DEFB116: variants seen among roughly 807,000 people sequenced by gnomAD.
DEFB116 encodes beta-defensin 116.
Under a neutral mutation model 2.8 loss-of-function variants are expected in DEFB116, and 5 were observed. The ratio of observed to expected loss-of-function variants is 1.80; its 90% CI spans 0.94 to 3.79. The LOEUF (loss-of-function observed/expected upper bound fraction) is 3.79, where lower values mean the gene tolerates loss of function less well. Among genes scored for constraint, DEFB116 ranks in the 30% most tolerant of loss-of-function variants. The pLI, the probability that DEFB116 is intolerant of heterozygous loss-of-function variation, is 0.00. For synonymous variants in DEFB116, 56 were observed against 40.8 expected, an observed-to-expected ratio of 1.37 and a Z score of -1.42; for missense variants, 170 against 118.0, an observed-to-expected ratio of 1.44 and a Z score of -2.04.
intron 1 of DEFB116, 51 bp downstream of exon 1, chr20:31,308,468 T>C (rs749785831): frequency 5.7e-6 from 9 of 1,591,844 alleles, no homozygotes; most frequent in Admixed American, 1.7e-5. Context: ...GTCACCAAGA[T>C]ACCAGTACCA....
intron 1 of DEFB116, among the ~76,000 whole-genome samples, chr20:31,307,371 A>C (rs2122451601): frequency 6.6e-6 from 1 of 152,302 alleles, no homozygotes; most frequent in Non-Finnish European, 1.5e-5. Flanking sequence ...TAGATGCAAA[A>C]TAATAAAATT....
chr20:31,305,442 C>T (rs1038947812), intron 1 of DEFB116, among the ~76,000 whole-genome samples: 6 of 151,964 alleles, frequency 3.9e-5, no homozygotes, highest in African/African-American at 1.4e-4. Flanking sequence ...TGGTCAAGGC[C>T]ACCCCAAGAG....
At position 31,303,214 on chromosome 20, in the gene DEFB116, A is replaced by C. The variant is rs540083402; in HGVS notation, c.307T>G (p.Ter103GlyextTer?). ...TACAGAGGAGACGTTGGTGATATTC[A>C]AATGTGAGAGTAGCTTGAACTGTTT... Reference protein sequence around the residue: ...VTNSSSYSHI* With the variant: ...VTNSSSYSHIG The change falls in exon 2 of 2, where the codon TGA becomes GGA. Residue 103 changes from the stop codon to glycine (G), a stop_lost. Transcript: ENST00000400549. 2.0e-5 allele frequency: 32 copies of C among 1,613,144 alleles called. No individual in the cohort carries two copies. The East Asian group carries it at 6.5e-4, about 33-fold the overall frequency.
At chr20:31,305,660 C>G (rs911704275) in intron 1 of DEFB116, among the ~76,000 whole-genome samples, 1 of 151,914 alleles carries the variant, frequency 6.6e-6, no homozygotes, top group Non-Finnish European at 1.5e-5. Context: ...TGCATTTCAG[C>G]ATAGTCTCTG....
At chr20:31,305,722 C>T (rs1482295246) in intron 1 of DEFB116, among the ~76,000 whole-genome samples, 3 of 151,910 alleles carry the variant, frequency 2.0e-5, no homozygotes, top group Non-Finnish European at 2.9e-5. Flanking sequence ...CTCTCCATGT[C>T]AGAAAATGGG....
intron 1 of DEFB116, among the ~76,000 whole-genome samples, chr20:31,304,104 T>C (rs1984942013): frequency 6.6e-6 from 1 of 152,082 alleles, no homozygotes; most frequent in Non-Finnish European, 1.5e-5. Flanking sequence ...CAGATCCACA[T>C]TCTCACATAA....
chr20:31,307,368 A>G (rs1265141913), intron 1 of DEFB116, among the ~76,000 whole-genome samples: 3 of 152,196 alleles, frequency 2.0e-5, no homozygotes, highest in Non-Finnish European at 4.4e-5. Context: ...ATCTAGATGC[A>G]AAATAATAAA....
Position 31,308,535 on chromosome 20 carries a change from C to G in DEFB116, c.51G>C (p.Leu17=), listed in dbSNP as rs201949154. Residue 17 remains leucine (L), a synonymous_variant, in exon 1 of 2, where the codon CTG becomes CTC. Transcript: ENST00000400549. ...CTGAGTTACCTGGAGTCTTTTGAGC[C>G]AGGATCATAAGGATGGCAATGGTCA... ...CLMTIAILMI[L]AQKTPGGLFR... The G allele has an allele frequency of 1.7e-4, 271 of 1,613,506 alleles. 1 individual carries two copies. Among genetic ancestry groups the G allele is most frequent in the Non-Finnish European group, 2.5e-5 (30 of 1,179,554 alleles).
At chr20:31,307,918 C>T (rs1985030760) in intron 1 of DEFB116, among the ~76,000 whole-genome samples, 1 of 151,954 alleles carries the variant, frequency 6.6e-6, no homozygotes, top group African/African-American at 2.4e-5. Flanking sequence ...ATCCAAGCCA[C>T]CCAACCCCAT....
chr20:31,307,783 G>C (rs757167830), intron 1 of DEFB116, among the ~76,000 whole-genome samples: 19 of 151,942 alleles, frequency 1.3e-4, no homozygotes, highest in Non-Finnish European at 2.2e-4. Flanking sequence ...TCCCTGCCCA[G>C]ATAAACCTCA....
At chr20:31,307,461 C>T (rs769878099) in intron 1 of DEFB116, among the ~76,000 whole-genome samples, 2 of 152,030 alleles carry the variant, frequency 1.3e-5, no homozygotes, top group Admixed American at 6.6e-5. Context: ...AACTATAAAA[C>T]TCCTAGGAGA....
intron 1 of DEFB116, among the ~76,000 whole-genome samples, chr20:31,307,890 A>G (rs1338123157): frequency 1.3e-5 from 2 of 151,904 alleles, no homozygotes; most frequent in Non-Finnish European, 2.9e-5. Flanking sequence ...CAACTGCAAA[A>G]CATACAAACA....
chr20:31,303,522 AG>A, intron 1 of DEFB116, 69 bp from the exon 2 acceptor site: 1 of 1,582,180 alleles, frequency 6.3e-7, no homozygotes, highest in Admixed American at 1.8e-5. Flanking sequence ...CATGATTTAA[AG>A]GAACACGCCC....
chr20:31,307,042 A>G (rs1337401152), intron 1 of DEFB116, among the ~76,000 whole-genome samples: 1 of 152,150 alleles, frequency 6.6e-6, no homozygotes, highest in African/African-American at 2.4e-5. Flanking sequence ...CAATTGGCAC[A>G]CAAAAAGCTA....
intron 1 of DEFB116, among the ~76,000 whole-genome samples, chr20:31,304,564 T>C (rs1223066174): frequency 6.6e-6 from 1 of 152,116 alleles, no homozygotes; most frequent in African/African-American, 2.4e-5. Context: ...CTGGTCTACA[T>C]GACATCAAGC....
intron 1 of DEFB116, among the ~76,000 whole-genome samples, chr20:31,306,772 C>A (rs1406060899): frequency 6.6e-6 from 1 of 152,098 alleles, no homozygotes; most frequent in Non-Finnish European, 1.5e-5. Flanking sequence ...GAAGGAAGAA[C>A]AATCTTGGTT....
chr20:31,308,119 A>G (rs929589831), intron 1 of DEFB116, among the ~76,000 whole-genome samples: 8 of 152,018 alleles, frequency 5.3e-5, no homozygotes, highest in African/African-American at 1.7e-4. Context: ...CACTTTTTGG[A>G]TATTACCCTA....
At chr20:31,306,858 T>C (rs528393629) in intron 1 of DEFB116, among the ~76,000 whole-genome samples, 3 of 152,218 alleles carry the variant, frequency 2.0e-5, no homozygotes, top group African/African-American at 7.2e-5. Flanking sequence ...ATTCCAAACA[T>C]TCCAGTCTCC....
At chr20:31,306,135 C>T (rs184065724) in intron 1 of DEFB116, among the ~76,000 whole-genome samples, 102 of 152,248 alleles carry the variant, frequency 6.7e-4, no homozygotes, top group African/African-American at 2.3e-3. Context: ...TCTCTGCCTG[C>T]TGTGCAACCA....
Sources: gnomAD v4.1 joint callset for allele counts (sites outside exome capture counted in the v4.1 genomes callset) on GRCh38, gnomAD v4.1.1 for gene constraint, MANE v1.5 for transcripts, NCBI Gene and HGNC (gene_info 2026-07-23, HGNC 2026-07-21) for gene names.